The following USP35 variants were observed in gnomAD, a reference collection of about 807,000 sequenced individuals.
USP35 encodes the protein ubiquitin specific peptidase 35.
In USP35, 69 loss-of-function variants were observed where a neutral mutation model predicts 83.8. The ratio of observed to expected loss-of-function variants is 0.82; its 90% CI spans 0.68 to 1.01. The LOEUF (loss-of-function observed/expected upper bound fraction) is 1.01, where lower values mean the gene tolerates loss of function less well. Among genes scored for constraint, USP35 ranks in the 50% least tolerant of loss-of-function variants. The pLI is 0.00. For missense variants in USP35, 1,503 were observed against 1,362.5 expected, an observed-to-expected ratio of 1.10 and a Z score of -1.62; for synonymous variants, 714 against 589.5, an observed-to-expected ratio of 1.21 and a Z score of -3.06.
At chr11:78,207,330 TTG>T in intron 7 of USP35, 198 bp from the exon 8 acceptor site, 1 of 576,446 alleles carries the variant, frequency 1.7e-6, no homozygotes. Flanking sequence ...ATGTCTATTG[TTG>T]TGTTCCTGAC....
intron 6 of USP35, among the ~76,000 whole-genome samples, chr11:78,203,645 C>G (rs1453745046): frequency 6.6e-6 from 1 of 151,248 alleles, no homozygotes; most frequent in Admixed American, 6.6e-5. Flanking sequence ...GTGGCGTGAT[C>G]TCGGCTCATT....
chr11:78,220,212 G>A, downstream of USP35: 3 of 1,158,108 alleles, frequency 2.6e-6, no homozygotes, highest in South Asian at 1.4e-5. Flanking sequence ...TGGAGCAGGA[G>A]GGAGGCTGAG....
intron 6 of USP35, among the ~76,000 whole-genome samples, chr11:78,203,975 C>T (rs1399066610): frequency 2.1e-5 from 3 of 144,786 alleles, no homozygotes; most frequent in African/African-American, 5.3e-5. Flanking sequence ...ACTGCAAGCT[C>T]CGCCTCCCGG....
chr11:78,217,268 T>C (rs1864194745), downstream of USP35: 1 of 152,290 alleles, frequency 6.6e-6, no homozygotes, highest in Non-Finnish European at 1.5e-5. Context: ...GTGGCTATCT[T>C]AAGTTCAGGG....
chr11:78,213,649 C>A lies in USP35; in HGVS notation c.2893C>A (p.Gln965Lys). ...CTCCTCTCATCTGTGTTCCCAGGAGCAGGAGAAGGAGGCCCGGAGCAGGGC... is the reference window on the plus strand; with the variant it reads ...CTCCTCTCATCTGTGTTCCCAGGAGAAGGAGAAGGAGGCCCGGAGCAGGGC... ...SKDNILYLQEQEKEARSRAAY... is the reference protein window; with the variant it reads ...SKDNILYLQEKEKEARSRAAY... Residue 965 changes from glutamine to lysine, a missense_variant, in exon 11 of 11, where the codon CAG (glutamine) becomes AAG (lysine). Transcript: ENST00000529308. The A allele has an allele frequency of 6.7e-7, 1 of 1,486,026 alleles. No individual in the cohort carries two copies. The highest frequency in any genetic ancestry group is 8.9e-7 in the Non-Finnish European group (1 of 1,124,010). 92.1% of individuals were successfully genotyped at this position (1,486,026 alleles called of 1,614,324 possible).
At chr11:78,215,972 A>T (rs1864119122), downstream of USP35, 1 of 152,692 alleles carries the variant, frequency 6.5e-6, no homozygotes, top group Non-Finnish European at 1.5e-5. Context: ...TGTCACAGGA[A>T]TGGGGCATAC....
chr11:78,233,040 G>GTTTT, the USP35 span, among the ~76,000 whole-genome samples: 3 of 132,006 alleles, frequency 2.3e-5, no homozygotes, highest in Non-Finnish European at 3.1e-5. Context: ...GCACTGTTAA[G>GTTTT]TTTTTTTTTT....
At position 78,210,587 on chromosome 11, in the gene USP35, CCTT is replaced by C. The variant is rs1590917434; in HGVS notation, c.2737_2739del (p.Phe913del). ...TTCGAATCTGTCAGCAACGTCACCT[CCTT>C]CTTCCCTAAGGACACAGCCTATGTG... On this transcript the variant is annotated inframe_deletion, in exon 10 of 11. Transcript: ENST00000529308. 3 of 1,614,102 alleles carry C rather than the reference CCTT, an allele frequency of 1.9e-6. No individual in the cohort carries two copies. The highest frequency in any genetic ancestry group is 4.5e-5 in the East Asian group (2 of 44,890).
intron 2 of USP35, among the ~76,000 whole-genome samples, chr11:78,197,157 G>A (rs1013094893): frequency 6.6e-6 from 1 of 151,294 alleles, no homozygotes; most frequent in South Asian, 2.1e-4. Flanking sequence ...GGAGCACACT[G>A]GTGTGAAAAG....
rs563471352 is a variant in USP35, at chr11:78,213,588, C to T, written c.2890-58C>T. ...TGAAAGGTGTTGTGCTGGGTAGACT[C>T]ACTCTGGCTTCAGGGTGTGAATTCT... On this transcript the variant is annotated intron_variant, in intron 10 of 10. Coordinates refer to ENST00000529308, the MANE Select transcript of USP35 (RefSeq NM_020798.4). 1.2e-5 allele frequency: 17 copies of T among 1,431,588 alleles called. 1 individual carries two copies. In the African/African-American group the frequency reaches 1.7e-4, roughly 14 times the overall value. The allele number at this position is 1,431,588 out of a possible 1,614,324, so 88.7% of individuals were successfully genotyped here. A position where few individuals can be genotyped will look rare whatever the true frequency, so the allele number is the denominator to read the frequency against.
At chr11:78,200,841 C>T (rs1323573324) in intron 6 of USP35, 33 bp downstream of exon 6, 2 of 1,567,298 alleles carry the variant, frequency 1.3e-6, no homozygotes, top group Non-Finnish European at 1.7e-6. Context: ...GGCCTTGCCC[C>T]ACTCTGACAA....
In USP35 at chr11:78,214,324, TGAG is replaced by T. The variant is rs1863976839; in HGVS notation, c.*512_*514del. 1 of 132,248 alleles carries T rather than the reference TGAG, an allele frequency of 7.6e-6. No individual in the cohort carries two copies. The highest frequency in any genetic ancestry group is 9.8e-5 in the Admixed American group (1 of 10,190). 8.2% of individuals were successfully genotyped at this position (132,248 alleles called of 1,614,324 possible). A position where few individuals can be genotyped will look rare whatever the true frequency, so the allele number is the denominator to read the frequency against. On this transcript the variant is annotated 3_prime_UTR_variant, in exon 11 of 11. Transcript: ENST00000529308. ...GGTACCTGCACTGTCTGTACCTTTC[TGAG>T]AAGAACAGAGACCGAGACCTGCCCC...
chr11:78,219,114 G>C (rs1451633454), downstream of USP35: 3 of 672,924 alleles, frequency 4.5e-6, no homozygotes, highest in Non-Finnish European at 7.4e-6. Flanking sequence ...CACCTCCCAG[G>C]GGAAGGGTTC....
the USP35 span, among the ~76,000 whole-genome samples, chr11:78,233,820 G>A: frequency 6.6e-6 from 1 of 152,144 alleles, no homozygotes; most frequent in Non-Finnish European, 1.5e-5. Context: ...CACCATATTG[G>A]CCAGGCTGGT....
chr11:78,208,931 C>CG lies in USP35; in HGVS notation c.1560_1561insG (p.Cys521ValfsTer84). The CG allele has an allele frequency of 6.2e-7, 1 of 1,614,216 alleles. No individual in the cohort carries two copies. The highest frequency in any genetic ancestry group is 8.5e-7 in the Non-Finnish European group (1 of 1,180,034). On this transcript the variant is annotated frameshift_variant, in exon 9 of 11. Coordinates refer to ENST00000529308, the MANE Select transcript of USP35 (RefSeq NM_020798.4). LOFTEE classifies it high-confidence loss of function. ...GGTTCAGCCCTGGCACCCAGCAGGA[C>CG]TGCTCGGAGTATCTGAAGTACCTGC...
chr11:78,210,036 T>C lies in USP35; in HGVS notation c.2181T>C (p.Ala727=), dbSNP rs1221114282. 2 of 1,613,442 alleles carry C rather than the reference T, an allele frequency of 1.2e-6. No individual in the cohort carries two copies. The highest frequency in any genetic ancestry group is 2.2e-5 in the East Asian group (1 of 44,852). Reference sequence around the variant, plus strand: ...TGGAGAAGGAGACAGAAAAGGAGGCTGAGCAGGAAAAGGAAGAAGACAGCC... The same window carrying C: ...TGGAGAAGGAGACAGAAAAGGAGGCCGAGCAGGAAAAGGAAGAAGACAGCC... The part of the protein sequence containing the change: ...EKVEKETEKE[A]EQEKEEDSLG... The change falls in exon 10 of 11, where the codon GCT becomes GCC. Residue 727 remains alanine, a synonymous_variant. Coordinates refer to ENST00000529308, the MANE Select transcript of USP35 (RefSeq NM_020798.4).
At chr11:78,219,487 C>G (rs185401044), downstream of USP35, 2 of 1,407,798 alleles carry the variant, frequency 1.4e-6, no homozygotes, top group Admixed American at 1.7e-5. Flanking sequence ...AAGGTGGGCA[C>G]GGGATCTTCC....
chr11:78,213,123 C>T (rs953322463), intron 10 of USP35, among the ~76,000 whole-genome samples: 1 of 152,212 alleles, frequency 6.6e-6, no homozygotes, highest in African/African-American at 2.4e-5. Flanking sequence ...TCCTTCTTCC[C>T]CAAGGACACA....
In USP35 at chr11:78,213,765, C is replaced by T. The variant is rs1565406711; in HGVS notation, c.3009C>T (p.Cys1003=). 4.5e-6 allele frequency: 7 copies of T among 1,548,786 alleles called. No homozygotes were observed. Among genetic ancestry groups the T allele is most frequent in the East Asian group, 2.5e-5 (1 of 39,278 alleles). ...KDEDEGSPGG[C]NPAGGNGGDF... is the part of the protein sequence containing the mutation. ...AGGATGAAGGCTCTCCAGGGGGCTGCAATCCTGCAGGTGGCAATGGTGGTG... is the reference window on the plus strand; with the variant it reads ...AGGATGAAGGCTCTCCAGGGGGCTGTAATCCTGCAGGTGGCAATGGTGGTG... The change falls in exon 11 of 11, where the codon TGC becomes TGT. Residue 1003 remains cysteine, a synonymous_variant. Coordinates refer to ENST00000529308, the MANE Select transcript of USP35 (RefSeq NM_020798.4).
Sources: gnomAD v4.1 joint callset for allele counts (sites outside exome capture counted in the v4.1 genomes callset) on GRCh38, gnomAD v4.1.1 for gene constraint, MANE v1.5 for transcripts, NCBI Gene and HGNC (gene_info 2026-07-23, HGNC 2026-07-21) for gene names.